The following MPPED1 variants were observed in gnomAD, a reference collection of about 807,000 sequenced individuals.
MPPED1 encodes the protein metallophosphoesterase domain containing 1.
MPPED1 carries 16 observed loss-of-function variants against 36.2 expected under a neutral mutation model. The ratio of observed to expected loss-of-function variants is 0.44; its 90% CI spans 0.30 to 0.67. MPPED1 has a LOEUF of 0.67. Ranked by LOEUF, MPPED1 falls within the 30% of genes least tolerant of loss-of-function variation. The pLI is 0.10. For synonymous variants in MPPED1, 199 were observed against 191.3 expected (o/e 1.04, Z -0.33); for missense variants, 307 against 453.4 (o/e 0.68, Z 2.93).
At chr22:43,446,502 A>G (rs1011711250) in intron 3 of MPPED1, among the ~76,000 whole-genome samples, 1 of 152,210 alleles carries the variant, frequency 6.6e-6, no homozygotes, top group Non-Finnish European at 1.5e-5. Flanking sequence ...AGCCGTGCCC[A>G]TGTCTGGGCA....
At chr22:43,441,639 A>G (rs754438312) in intron 3 of MPPED1, among the ~76,000 whole-genome samples, 2 of 152,214 alleles carry the variant, frequency 1.3e-5, no homozygotes, top group Non-Finnish European at 2.9e-5. Context: ...AGAAGTTATA[A>G]TTAAGTTTGC....
intron 4 of MPPED1, among the ~76,000 whole-genome samples, chr22:43,477,614 A>G (rs1185310435): frequency 1.3e-5 from 2 of 152,168 alleles, no homozygotes; most frequent in East Asian, 3.9e-4. Context: ...TCATCTTGCC[A>G]CGGCCTCCTC....
chr22:43,467,150 C>G (rs1230169100), intron 3 of MPPED1, among the ~76,000 whole-genome samples: 2 of 152,188 alleles, frequency 1.3e-5, no homozygotes, highest in African/African-American at 4.8e-5. Flanking sequence ...TCATTCTGGC[C>G]AGAGAGCCAG....
intron 1 of MPPED1, among the ~76,000 whole-genome samples, chr22:43,415,979 T>G (rs1482678915): frequency 2.6e-5 from 4 of 152,204 alleles, no homozygotes; most frequent in Non-Finnish European, 5.9e-5. Context: ...TCCCCTTCAT[T>G]TCATTCTTTT....
At chr22:43,479,880 G>C (rs932720745) in intron 4 of MPPED1, among the ~76,000 whole-genome samples, 8 of 152,124 alleles carry the variant, frequency 5.3e-5, no homozygotes, top group Non-Finnish European at 1.2e-4. Context: ...CTTTTTCCCT[G>C]GAGATGGGGT....
At chr22:43,494,905 T>C (rs1932211235) in intron 4 of MPPED1, among the ~76,000 whole-genome samples, 2 of 152,308 alleles carry the variant, frequency 1.3e-5, no homozygotes, top group South Asian at 4.1e-4. Context: ...CTCCTTGCTG[T>C]TTCCTTACAT....
chr22:43,440,263 T>C (rs1373518405), intron 3 of MPPED1, among the ~76,000 whole-genome samples: 2 of 152,240 alleles, frequency 1.3e-5, no homozygotes, highest in Admixed American at 1.3e-4. Flanking sequence ...GAGCCATCGC[T>C]GTTGCCACAC....
At chr22:43,485,623 A>G (rs757921749) in intron 4 of MPPED1, among the ~76,000 whole-genome samples, 21 of 152,146 alleles carry the variant, frequency 1.4e-4, no homozygotes, top group Admixed American at 1.1e-3. Flanking sequence ...GTCCAGATAA[A>G]ATTGATTTCA....
At chr22:43,501,176 C>T (rs1275790763) in intron 5 of MPPED1, among the ~76,000 whole-genome samples, 4 of 152,144 alleles carry the variant, frequency 2.6e-5, no homozygotes, top group East Asian at 1.9e-4. Flanking sequence ...AGGTTGTAGC[C>T]GGGTTTGTTT....
chr22:43,421,079 C>A (rs55940103), intron 1 of MPPED1, among the ~76,000 whole-genome samples: 1 of 152,224 alleles, frequency 6.6e-6, no homozygotes, highest in Non-Finnish European at 1.5e-5. Flanking sequence ...GGAGCCCAGG[C>A]GGTCTCCCTG....
intron 3 of MPPED1, among the ~76,000 whole-genome samples, chr22:43,441,257 T>C (rs2146841306): frequency 6.6e-6 from 1 of 152,350 alleles, no homozygotes. Flanking sequence ...TCAGGGCTCC[T>C]ATGTCCCCTC....
chr22:43,490,088 G>A (rs1932036519), intron 4 of MPPED1, among the ~76,000 whole-genome samples: 1 of 152,220 alleles, frequency 6.6e-6, no homozygotes, highest in African/African-American at 2.4e-5. Flanking sequence ...GAACTGGGGT[G>A]TCCGATGCCC....
intron 3 of MPPED1, among the ~76,000 whole-genome samples, chr22:43,468,650 A>G (rs906126084): frequency 2.0e-4 from 31 of 152,140 alleles, no homozygotes; most frequent in African/African-American, 7.2e-4. Flanking sequence ...ATGGATTAGG[A>G]GAGCTACAGG....
intron 4 of MPPED1, among the ~76,000 whole-genome samples, chr22:43,487,264 G>T (rs569892896): frequency 1.1e-4 from 16 of 152,242 alleles, no homozygotes; most frequent in African/African-American, 3.4e-4. Flanking sequence ...AATAAAATAC[G>T]GGTCGTGGAT....
chr22:43,499,713 G>A (rs889750138), intron 5 of MPPED1, among the ~76,000 whole-genome samples: 56 of 114,244 alleles, frequency 4.9e-4, no homozygotes, highest in Non-Finnish European at 8.3e-4. Context: ...GATGATGGTG[G>A]TGGTGATGGA....
chr22:43,489,845 C>T (rs903766205), intron 4 of MPPED1, among the ~76,000 whole-genome samples: 1 of 152,172 alleles, frequency 6.6e-6, no homozygotes, highest in African/African-American at 2.4e-5. Context: ...CTAATAAAAG[C>T]TGGAACATCA....
chr22:43,493,166 C>T (rs761333645), intron 4 of MPPED1, among the ~76,000 whole-genome samples: 36 of 152,312 alleles, frequency 2.4e-4, no homozygotes, highest in Non-Finnish European at 4.7e-4. Flanking sequence ...GGGGAGAGAA[C>T]ATCAGATCTG....
At chr22:43,423,865 A>C in intron 1 of MPPED1, among the ~76,000 whole-genome samples, 1 of 152,352 alleles carries the variant, frequency 6.6e-6, no homozygotes. Flanking sequence ...ACTGAAAACA[A>C]CGACAAAAAG....
At chr22:43,421,082 T>C (rs922188139) in intron 1 of MPPED1, among the ~76,000 whole-genome samples, 2 of 152,178 alleles carry the variant, frequency 1.3e-5, no homozygotes, top group Non-Finnish European at 2.9e-5. Context: ...GCCCAGGCGG[T>C]CTCCCTGCGG....
Sources: gnomAD v4.1 joint callset for allele counts (sites outside exome capture counted in the v4.1 genomes callset) on GRCh38, gnomAD v4.1.1 for gene constraint, MANE v1.5 for transcripts, NCBI Gene and HGNC (gene_info 2026-07-23, HGNC 2026-07-21) for gene names.